The following CCDC91 variants were observed in gnomAD, a reference collection of about 807,000 sequenced individuals.
The protein encoded by CCDC91 is coiled-coil domain containing 91, also known as coiled-coil domain-containing protein 91.
A neutral mutation model predicts 63.2 loss-of-function variants in CCDC91; 48 were observed. The ratio of observed to expected loss-of-function variants is 0.76; its 90% CI spans 0.60 to 0.97. CCDC91 has a LOEUF of 0.97. CCDC91 is among the 50% of genes least tolerant of loss of function. The pLI is 0.00. For synonymous variants in CCDC91, 167 were observed against 165.8 expected (o/e 1.01, Z -0.06); for missense variants, 500 against 494.6 (o/e 1.01, Z -0.10).
At chr12:28,246,008 C>T (rs891716494) in intron 1 of CCDC91, among the ~76,000 whole-genome samples, 1 of 151,992 alleles carries the variant, frequency 6.6e-6, no homozygotes, top group South Asian at 2.1e-4. Flanking sequence ...TGTAAACTAC[C>T]CAGATGTCTC....
chr12:28,455,636 A>G (rs1383149617), intron 11 of CCDC91, among the ~76,000 whole-genome samples: 1 of 152,082 alleles, frequency 6.6e-6, no homozygotes, highest in Non-Finnish European at 1.5e-5. Flanking sequence ...ATTCTAAGCA[A>G]ATATATTAAG....
chr12:28,258,041 G>C (rs1404330440), intron 2 of CCDC91, among the ~76,000 whole-genome samples: 1 of 151,680 alleles, frequency 6.6e-6, no homozygotes, highest in Non-Finnish European at 1.5e-5. Context: ...AAGATGTTAA[G>C]TATATATTCA....
intron 1 of CCDC91, chr12:28,255,975 T>G (rs193139310): frequency 6.6e-6 from 1 of 152,296 alleles, no homozygotes; most frequent in African/African-American, 2.4e-5. Flanking sequence ...ACATATAGTT[T>G]AATATGTATA....
At chr12:28,502,519 A>G (rs1011681293) in intron 12 of CCDC91, among the ~76,000 whole-genome samples, 14 of 150,460 alleles carry the variant, frequency 9.3e-5, no homozygotes, top group African/African-American at 3.4e-4. Flanking sequence ...AAGGTAATTT[A>G]TAGATTCAAT....
intron 8 of CCDC91, among the ~76,000 whole-genome samples, chr12:28,429,180 TTTAA>T (rs1293435556): frequency 6.6e-6 from 1 of 152,208 alleles, no homozygotes; most frequent in Non-Finnish European, 1.5e-5. Context: ...AGGGGAGTTA[TTTAA>T]TTAGTTTCCC....
chr12:28,415,664 TTGTGTG>T (rs61077919), intron 8 of CCDC91, among the ~76,000 whole-genome samples: 3 of 148,404 alleles, frequency 2.0e-5, no homozygotes, highest in African/African-American at 7.5e-5. Flanking sequence ...AGATATATAT[TTGTGTG>T]TGTGTGTGTG....
At chr12:28,331,730 T>C (rs1395659410) in intron 6 of CCDC91, among the ~76,000 whole-genome samples, 1 of 152,198 alleles carries the variant, frequency 6.6e-6, no homozygotes, top group East Asian at 1.9e-4. Flanking sequence ...TTAAAATCAC[T>C]GTTAGAAACT....
rs183325239 is a variant in CCDC91, at chr12:28,532,306, A to G, written c.1216-16757A>G. Among the ~76,000 whole-genome samples the G allele has an allele frequency of 1.3e-4, 20 of 152,220 alleles. No homozygotes were observed. In the East Asian group the frequency reaches 3.3e-3, roughly 25 times the overall value. ...AAATATTGCTAATATGTCTAGTGAA[A>G]TGTGGATTTACAATGGAGTAGTCAT... On this transcript the variant is annotated intron_variant, in intron 12 of 12. Coordinates refer to ENST00000536442, the MANE Select transcript of CCDC91 (RefSeq NM_018318.5).
At chr12:28,426,222 G>C (rs1948308794) in intron 8 of CCDC91, among the ~76,000 whole-genome samples, 1 of 152,060 alleles carries the variant, frequency 6.6e-6, no homozygotes, top group African/African-American at 2.4e-5. Context: ...ATCTCTGGCT[G>C]TTTTCAAAAT....
intron 8 of CCDC91, among the ~76,000 whole-genome samples, chr12:28,395,726 C>T (rs12366617): frequency 3.9e-5 from 6 of 151,990 alleles, no homozygotes; most frequent in Admixed American, 3.9e-4. Flanking sequence ...AAAACCGAGG[C>T]ATGAATAAAG....
intron 12 of CCDC91, among the ~76,000 whole-genome samples, chr12:28,496,130 GGTAAGCAGCCAA>G (rs1278430740): frequency 6.6e-6 from 1 of 151,514 alleles, no homozygotes; most frequent in African/African-American, 2.4e-5. Context: ...AACGATATTA[GGTAAGCAGCCAA>G]GTTGCTAGAG....
chr12:28,468,216 T>C (rs1247565200), intron 11 of CCDC91, among the ~76,000 whole-genome samples: 1 of 148,764 alleles, frequency 6.7e-6, no homozygotes, highest in African/African-American at 2.5e-5. Flanking sequence ...AAAGAGATGA[T>C]CCAAATAAAA....
intron 8 of CCDC91, among the ~76,000 whole-genome samples, chr12:28,417,640 T>TATACACACACACACACACAC (rs57507827): frequency 8.9e-6 from 1 of 112,076 alleles, no homozygotes; most frequent in South Asian, 2.6e-4. Flanking sequence ...TATATATATA[T>TATACACACACACACACACAC]ACACACACAC....
rs75555723 is a variant in CCDC91 at position 28,289,685 on chromosome 12, CTTTTTT to C, written c.110-15946_110-15941del. 6.9e-3 allele frequency among the ~76,000 whole-genome samples: 684 copies of C among 98,548 alleles called. 7 individuals are homozygous for C. The highest frequency in any genetic ancestry group is 0.031 in the African/African-American group (649 of 20,772). The allele number at this position is 98,548 out of a possible 152,430, so 64.7% of individuals were successfully genotyped here. A position where few individuals can be genotyped will look rare whatever the true frequency, so the allele number is the denominator to read the frequency against. ...TTGGGGTGGAGAGTTCTTTTCTTTT[CTTTTTT>C]TTTTTTTTTTTTTTTTTGACGACGG... On this transcript the variant is annotated intron_variant, in intron 3 of 12. Transcript: ENST00000536442.
intron 3 of CCDC91, among the ~76,000 whole-genome samples, chr12:28,284,262 G>T (rs1948777588): frequency 6.6e-6 from 1 of 152,094 alleles, no homozygotes; most frequent in African/African-American, 2.4e-5. Context: ...AGCTTTTGAA[G>T]ATGTCTAATG....
intron 12 of CCDC91, among the ~76,000 whole-genome samples, chr12:28,496,777 T>G (rs1952307084): frequency 6.6e-6 from 1 of 151,142 alleles, no homozygotes; most frequent in Admixed American, 6.6e-5. Flanking sequence ...AATGCCTAAG[T>G]TATACAACAC....
intron 12 of CCDC91, among the ~76,000 whole-genome samples, chr12:28,524,647 G>A (rs531335214): frequency 3.4e-4 from 51 of 152,136 alleles, no homozygotes; most frequent in Non-Finnish European, 5.3e-4. Flanking sequence ...CTCTTTTTCT[G>A]TCTTGTAGAA....
chr12:28,333,191 C>T (rs1036320313), intron 6 of CCDC91, among the ~76,000 whole-genome samples: 18 of 151,574 alleles, frequency 1.2e-4, no homozygotes, highest in Admixed American at 9.9e-4. Flanking sequence ...GTCAGGAGAT[C>T]GAGACTATCA....
chr12:28,404,459 A>G (rs1217785951), intron 8 of CCDC91, among the ~76,000 whole-genome samples: 3 of 152,110 alleles, frequency 2.0e-5, no homozygotes, highest in African/African-American at 7.2e-5. Context: ...TTTGAAAAGA[A>G]TGCATATTCT....
Sources: allele counts gnomAD v4.1 joint callset (sites outside exome capture counted in the v4.1 genomes callset), GRCh38; gene constraint gnomAD v4.1.1; transcripts MANE v1.5; gene names NCBI Gene and HGNC (gene_info 2026-07-23, HGNC 2026-07-21).